The following CHSY3 variants were observed in gnomAD, a reference collection of about 807,000 sequenced individuals.
CHSY3 encodes the protein chondroitin sulfate synthase 3.
Under a neutral mutation model 67.2 loss-of-function variants are expected in CHSY3, and 35 were observed. The observed-to-expected ratio is 0.52, with a 90% CI of 0.40 to 0.69. CHSY3 has a LOEUF of 0.69. Ranked by LOEUF, CHSY3 falls within the 30% of genes least tolerant of loss-of-function variation. The probability of loss-of-function intolerance (pLI) is 0.00; values close to 1 mark genes in which losing one functional copy is unlikely to be tolerated. For synonymous variants in CHSY3, 474 were observed against 434.7 expected, an observed-to-expected ratio of 1.09 and a Z score of -1.12; for missense variants, 1,069 against 1,138.5, an observed-to-expected ratio of 0.94 and a Z score of 0.88.
chr5:130,084,726 T>C (rs1766556536), intron 2 of CHSY3, among the ~76,000 whole-genome samples: 1 of 151,928 alleles, frequency 6.6e-6, no homozygotes, highest in Non-Finnish European at 1.5e-5. Context: ...CTCTAAAATA[T>C]ATAAAACCAA....
At chr5:130,095,147 G>T (rs1332895559) in intron 2 of CHSY3, among the ~76,000 whole-genome samples, 1 of 152,076 alleles carries the variant, frequency 6.6e-6, no homozygotes, top group Non-Finnish European at 1.5e-5. Flanking sequence ...CAGAAATATA[G>T]ATGCTTACAT....
At chr5:129,978,837 A>G (rs2149620108) in intron 2 of CHSY3, among the ~76,000 whole-genome samples, 2 of 152,262 alleles carry the variant, frequency 1.3e-5, no homozygotes, top group Admixed American at 1.3e-4. Context: ...CCCAACTGAA[A>G]CTGTAATTAT....
chr5:130,064,494 C>T lies in CHSY3; in HGVS notation c.1087-119735C>T, dbSNP rs144905006. Among the ~76,000 whole-genome samples, 68 of 152,274 alleles carry T rather than the reference C, an allele frequency of 4.5e-4. No homozygotes were observed. In the East Asian group the frequency reaches 0.011, roughly 26 times the overall value. On this transcript the variant is annotated intron_variant, in intron 2 of 2. Coordinates refer to ENST00000305031, the MANE Select transcript of CHSY3 (RefSeq NM_175856.5). ...GTGGTTTTGAAATGACTTTTACTTG[C>T]TCTAGGCAAGTTTCAGAAACAAACC...
chr5:129,968,024 T>C lies in CHSY3; in HGVS notation c.1086+59664T>C, dbSNP rs573751207. ...CCCCTGACAATAAACTATGGTAGTGTAGTCTTCAAAAAATCCACTAAGTTA... is the reference window on the plus strand; with the variant it reads ...CCCCTGACAATAAACTATGGTAGTGCAGTCTTCAAAAAATCCACTAAGTTA... On this transcript the variant is annotated intron_variant, in intron 2 of 2. Coordinates refer to ENST00000305031, the MANE Select transcript of CHSY3 (RefSeq NM_175856.5). Among the ~76,000 whole-genome samples, 9 of 151,930 alleles carry C rather than the reference T, an allele frequency of 5.9e-5. No individual in the cohort carries two copies. The East Asian group carries it at 1.6e-3, about 26-fold the overall frequency.
At chr5:129,967,094 C>G (rs1424085478) in intron 2 of CHSY3, among the ~76,000 whole-genome samples, 2 of 151,792 alleles carry the variant, frequency 1.3e-5, no homozygotes, top group African/African-American at 4.8e-5. Context: ...CCTTGTTTAA[C>G]ATCAGAATTC....
intron 2 of CHSY3, among the ~76,000 whole-genome samples, chr5:129,932,360 T>C (rs1009988608): frequency 5.9e-5 from 9 of 151,960 alleles, no homozygotes; most frequent in Non-Finnish European, 7.4e-5. Flanking sequence ...CTTAAGACTT[T>C]CAATTGATTG....
At chr5:129,949,148 A>G (rs1761951200) in intron 2 of CHSY3, among the ~76,000 whole-genome samples, 1 of 152,222 alleles carries the variant, frequency 6.6e-6, no homozygotes, top group South Asian at 2.1e-4. Context: ...TAAAACAATT[A>G]GTACTAGACT....
chr5:129,998,875 C>A (rs1195173021), intron 2 of CHSY3, among the ~76,000 whole-genome samples: 1 of 151,784 alleles, frequency 6.6e-6, no homozygotes, highest in African/African-American at 2.4e-5. Flanking sequence ...TGGGCTTTTT[C>A]TTTTAACTTT....
intron 2 of CHSY3, among the ~76,000 whole-genome samples, chr5:130,163,517 G>C (rs567559384): frequency 1.3e-5 from 2 of 152,016 alleles, no homozygotes; most frequent in Non-Finnish European, 1.5e-5. Flanking sequence ...AGGTTTCAAA[G>C]AGTTGCTCCC....
chr5:130,171,614 T>G (rs1251934818), intron 2 of CHSY3, among the ~76,000 whole-genome samples: 1 of 152,208 alleles, frequency 6.6e-6, no homozygotes, highest in Non-Finnish European at 1.5e-5. Flanking sequence ...TTCTGAGAAA[T>G]CTTTATCACA....
intron 2 of CHSY3, among the ~76,000 whole-genome samples, chr5:130,157,373 A>G (rs1245914468): frequency 6.6e-6 from 1 of 152,230 alleles, no homozygotes; most frequent in East Asian, 1.9e-4. Context: ...TATTTAAAGG[A>G]GAGAGACTAG....
chr5:130,005,638 G>A (rs1478398045), intron 2 of CHSY3, among the ~76,000 whole-genome samples: 1 of 151,932 alleles, frequency 6.6e-6, no homozygotes, highest in African/African-American at 2.4e-5. Context: ...TAAATCTGTG[G>A]GTGATTCCAG....
rs531915300 is a variant in CHSY3, at chr5:130,062,268, C to A, written c.1087-121961C>A. 7.3e-5 allele frequency among the ~76,000 whole-genome samples: 11 copies of A among 151,624 alleles called. No individual in the cohort carries two copies. The East Asian group carries it at 2.1e-3, about 29-fold the overall frequency. ...GCAGCAACATGTATGGAGTTGGAGG[C>A]CATTATCCTCAATGAACTAACCCAG... is the stretch of plus-strand genomic sequence containing the variant. On this transcript the variant is annotated intron_variant, in intron 2 of 2. Coordinates refer to ENST00000305031, the MANE Select transcript of CHSY3 (RefSeq NM_175856.5).
chr5:130,104,865 T>G (rs562037337), intron 2 of CHSY3, among the ~76,000 whole-genome samples: 1 of 151,894 alleles, frequency 6.6e-6, no homozygotes, highest in Admixed American at 6.6e-5. Context: ...AATGTATCAT[T>G]TAATTAGTGG....
At chr5:130,124,155 A>T (rs1768173751) in intron 2 of CHSY3, among the ~76,000 whole-genome samples, 1 of 152,020 alleles carries the variant, frequency 6.6e-6, no homozygotes, top group Non-Finnish European at 1.5e-5. Flanking sequence ...AAAATAGAAA[A>T]CAGAATTTTT....
At chr5:129,913,883 TG>T (rs1353647368) in intron 2 of CHSY3, among the ~76,000 whole-genome samples, 1 of 152,244 alleles carries the variant, frequency 6.6e-6, no homozygotes, top group Non-Finnish European at 1.5e-5. Context: ...GAATGTTTTA[TG>T]TTCAATCTTA....
At position 130,161,203 on chromosome 5, in the gene CHSY3, C is replaced by T. The variant is rs186107876; in HGVS notation, c.1087-23026C>T. Among the ~76,000 whole-genome samples the T allele has an allele frequency of 2.5e-3, 374 of 152,180 alleles. 1 individual carries two copies. The highest frequency in any genetic ancestry group is 3.9e-3 in the Non-Finnish European group (265 of 67,996). On this transcript the variant is annotated intron_variant, in intron 2 of 2. Transcript: ENST00000305031. ...ACAGGCGTGAGCCACCACGACCAGCCGATAGGTAATTGTTTTAATAGCACT... is the reference window on the plus strand; with the variant it reads ...ACAGGCGTGAGCCACCACGACCAGCTGATAGGTAATTGTTTTAATAGCACT...
chr5:130,001,891 T>A, intron 2 of CHSY3: 1 of 926,830 alleles, frequency 1.1e-6, no homozygotes, highest in Non-Finnish European at 1.3e-6. Flanking sequence ...AAGGTAATGG[T>A]GGAAGCTGAA....
intron 2 of CHSY3, among the ~76,000 whole-genome samples, chr5:129,919,776 C>T (rs1760857415): frequency 6.6e-6 from 1 of 152,094 alleles, no homozygotes; most frequent in Admixed American, 6.5e-5. Flanking sequence ...CTGTCAATGA[C>T]ACTGATTTGT....
Sources: allele counts gnomAD v4.1 joint callset (sites outside exome capture counted in the v4.1 genomes callset), GRCh38; gene constraint gnomAD v4.1.1; transcripts MANE v1.5; gene names NCBI Gene and HGNC (gene_info 2026-07-23, HGNC 2026-07-21).